ZCCHC7: variants seen among roughly 807,000 people sequenced by gnomAD.
ZCCHC7 encodes zinc finger CCHC domain-containing protein 7.
ZCCHC7 carries 35 observed loss-of-function variants against 52.0 expected under a neutral mutation model. The ratio of observed to expected loss-of-function variants is 0.67; its 90% CI spans 0.51 to 0.89. The LOEUF (loss-of-function observed/expected upper bound fraction) is 0.89, where lower values mean the gene tolerates loss of function less well. ZCCHC7 is among the 40% of genes least tolerant of loss of function. ZCCHC7 has a pLI of 0.00. For synonymous variants in ZCCHC7, 217 were observed against 221.5 expected (o/e 0.98, Z 0.18); for missense variants, 574 against 649.1 (o/e 0.88, Z 1.26).
intron 2 of ZCCHC7, 93 bp from the exon 3 acceptor site, chr9:37,302,095 C>A: frequency 2.0e-6 from 2 of 1,008,632 alleles, no homozygotes; most frequent in Non-Finnish European, 3.1e-6. Context: ...CCTTTGGGGT[C>A]CAATTTGAGT....
In ZCCHC7 at chr9:37,334,167, T is replaced by C. The variant is rs552674647; in HGVS notation, c.987+6333T>C. ...CATATTCAAGTGATTATTTCGCATA[T>C]GTGCTTTGAACAGGTATTTCATGCC... On this transcript the variant is annotated intron_variant, in intron 6 of 8. Transcript: ENST00000336755. 4.6e-5 allele frequency among the ~76,000 whole-genome samples: 7 copies of C among 152,108 alleles called. No individual in the cohort carries two copies. The South Asian group carries it at 1.2e-3, about 27-fold the overall frequency.
intron 2 of ZCCHC7, among the ~76,000 whole-genome samples, chr9:37,199,463 C>T (rs1823479521): frequency 1.3e-5 from 2 of 150,684 alleles, no homozygotes; most frequent in African/African-American, 4.9e-5. Context: ...TCCCGAGTAG[C>T]TGGGATTATA....
chr9:37,330,568 A>T (rs1371316284), intron 6 of ZCCHC7, among the ~76,000 whole-genome samples: 1 of 151,702 alleles, frequency 6.6e-6, no homozygotes, highest in African/African-American at 2.4e-5. Flanking sequence ...TATTGTTTTT[A>T]CTTAACAAGT....
intron 1 of ZCCHC7, among the ~76,000 whole-genome samples, chr9:37,121,833 GCT>G (rs1315390641): frequency 2.0e-5 from 3 of 152,250 alleles, no homozygotes; most frequent in African/African-American, 7.2e-5. Context: ...GAAATACTGT[GCT>G]CTGTTTGTCT....
In ZCCHC7 at chr9:37,329,821, A is replaced by G. The variant is rs545038469; in HGVS notation, c.987+1987A>G. ...GCCCTCACACATGAATGTTGAGTCA[A>G]TCAGCGCAGTGACCAAGTAATGAAG... On this transcript the variant is annotated intron_variant, in intron 6 of 8. Transcript: ENST00000336755. Among the ~76,000 whole-genome samples, 5 of 151,978 alleles carry G rather than the reference A, an allele frequency of 3.3e-5. 1 individual carries two copies. Among genetic ancestry groups the G allele is most frequent in the African/African-American group, 9.6e-5 (4 of 41,534 alleles).
chr9:37,135,917 A>G (rs1842978537), intron 2 of ZCCHC7, among the ~76,000 whole-genome samples: 1 of 152,240 alleles, frequency 6.6e-6, no homozygotes, highest in Non-Finnish European at 1.5e-5. Context: ...AATTCCTGGC[A>G]TTCATTAGGC....
chr9:37,189,451 G>A (rs1431732196), intron 2 of ZCCHC7, among the ~76,000 whole-genome samples: 1 of 152,062 alleles, frequency 6.6e-6, no homozygotes, highest in Non-Finnish European at 1.5e-5. Flanking sequence ...CAACAGCGTG[G>A]TCTCGGCTCA....
chr9:37,155,928 TAAGAC>T (rs1210182682), intron 2 of ZCCHC7, among the ~76,000 whole-genome samples: 1 of 152,228 alleles, frequency 6.6e-6, no homozygotes, highest in Non-Finnish European at 1.5e-5. Context: ...CAAAGGTAAA[TAAGAC>T]TAGAGTTCCT....
intron 2 of ZCCHC7, among the ~76,000 whole-genome samples, chr9:37,237,927 G>C (rs1188858238): frequency 6.6e-6 from 1 of 151,978 alleles, no homozygotes; most frequent in Non-Finnish European, 1.5e-5. Context: ...TATAATTCTT[G>C]GTGGTGGGCA....
chr9:37,176,210 G>T (rs968809259), intron 2 of ZCCHC7, among the ~76,000 whole-genome samples: 9 of 152,130 alleles, frequency 5.9e-5, no homozygotes, highest in Non-Finnish European at 1.0e-4. Context: ...GAGTAGCTGG[G>T]ACTACAGGCG....
intron 5 of ZCCHC7, among the ~76,000 whole-genome samples, chr9:37,309,079 G>A (rs1033650231): frequency 8.6e-5 from 13 of 151,844 alleles, no homozygotes; most frequent in African/African-American, 3.1e-4. Flanking sequence ...AGAGAAGGCA[G>A]TACTCTTTTC....
intron 2 of ZCCHC7, among the ~76,000 whole-genome samples, chr9:37,274,088 T>A (rs1827564383): frequency 6.6e-6 from 1 of 152,214 alleles, no homozygotes; most frequent in Non-Finnish European, 1.5e-5. Flanking sequence ...GCATTTTTCA[T>A]CAGGACAAAT....
chr9:37,177,567 A>G (rs1822109083), intron 2 of ZCCHC7, among the ~76,000 whole-genome samples: 1 of 152,206 alleles, frequency 6.6e-6, no homozygotes, highest in South Asian at 2.1e-4. Flanking sequence ...ATATGTCATA[A>G]TGGAGATTAT....
chr9:37,341,973 C>G (rs1820665269), intron 6 of ZCCHC7, among the ~76,000 whole-genome samples: 1 of 152,078 alleles, frequency 6.6e-6, no homozygotes, highest in African/African-American at 2.4e-5. Context: ...GGCTTTTTCT[C>G]TGAGATGAGA....
intron 5 of ZCCHC7, among the ~76,000 whole-genome samples, chr9:37,310,958 TTAAAAAAAAAA>T (rs1829570644): frequency 7.5e-6 from 1 of 132,778 alleles, no homozygotes; most frequent in Non-Finnish European, 1.6e-5. Flanking sequence ...CTCTCTCTTT[TTAAAAAAAAAA>T]AAAAAAAAAA....
intron 2 of ZCCHC7, among the ~76,000 whole-genome samples, chr9:37,152,699 A>G (rs1820597125): frequency 6.6e-6 from 1 of 152,200 alleles, no homozygotes; most frequent in Non-Finnish European, 1.5e-5. Context: ...TATCACATCA[A>G]GTATAAAATG....
At chr9:37,235,640 G>A (rs1049463198) in intron 2 of ZCCHC7, among the ~76,000 whole-genome samples, 1 of 149,200 alleles carries the variant, frequency 6.7e-6, no homozygotes, top group African/African-American at 2.5e-5. Context: ...CGCCAGGCTG[G>A]AGTGCAGTGA....
At chr9:37,268,966 T>A (rs1256711129) in intron 2 of ZCCHC7, among the ~76,000 whole-genome samples, 1 of 152,202 alleles carries the variant, frequency 6.6e-6, no homozygotes, top group Non-Finnish European at 1.5e-5. Context: ...TAACGTAGTA[T>A]GGAGGCCAAG....
intron 2 of ZCCHC7, among the ~76,000 whole-genome samples, chr9:37,258,876 C>T (rs938689394): frequency 6.7e-6 from 1 of 149,716 alleles, no homozygotes; most frequent in African/African-American, 2.5e-5. Flanking sequence ...AAAACCCAGG[C>T]TTTTAAGATC....
Sources: allele counts gnomAD v4.1 joint callset (sites outside exome capture counted in the v4.1 genomes callset), GRCh38; gene constraint gnomAD v4.1.1; transcripts MANE v1.5; gene names NCBI Gene and HGNC (gene_info 2026-07-23, HGNC 2026-07-21).